The following FMC1 variants were observed in gnomAD, a reference collection of about 807,000 sequenced individuals.
FMC1 encodes the protein formation of mitochondrial complex V assembly factor 1, also known as protein FMC1 homolog.
Under a neutral mutation model 10.5 loss-of-function variants are expected in FMC1, and 6 were observed. The ratio of observed to expected loss-of-function variants is 0.57; its 90% CI spans 0.31 to 1.12. FMC1 has a LOEUF of 1.12. Among genes scored for constraint, FMC1 ranks in the 50% most tolerant of loss-of-function variants. The probability of loss-of-function intolerance (pLI) is 0.05; values close to 1 mark genes in which losing one functional copy is unlikely to be tolerated. For synonymous variants in FMC1, 59 were observed against 62.1 expected, an observed-to-expected ratio of 0.95 and a Z score of 0.24; for missense variants, 146 against 151.7, an observed-to-expected ratio of 0.96 and a Z score of 0.20.
Position 139,343,925 on chromosome 7 carries a change from C to CAAA in FMC1, c.139-1576_139-1575insAAA, listed in dbSNP as rs370854113. Among the ~76,000 whole-genome samples the CAAA allele has an allele frequency of 4.8e-3, 607 of 126,300 alleles. 9 individuals are homozygous for CAAA. The highest frequency in any genetic ancestry group is 0.017 in the Middle Eastern group (4 of 234). The allele number at this position is 126,300 out of a possible 152,430, so 82.9% of individuals were successfully genotyped here. On this transcript the variant is annotated intron_variant, in intron 1 of 1. Coordinates refer to ENST00000297534, the MANE Select transcript of FMC1 (RefSeq NM_197964.5). ...TGGGCAACAAAGTGAGACCCTGTCC[C>CAAA]CAAAAAAAAAAAAAAAAAAAAGAGT... is the stretch of plus-strand genomic sequence containing the variant.
In FMC1 at chr7:139,345,716, A is replaced by G; in HGVS notation, c.*12A>G. The G allele has an allele frequency of 6.2e-7, 1 of 1,612,206 alleles. No homozygotes were observed. Among genetic ancestry groups the G allele is most frequent in the Non-Finnish European group, 8.5e-7 (1 of 1,178,930 alleles). On this transcript the variant is annotated 3_prime_UTR_variant, in exon 2 of 2. Transcript: ENST00000297534. ...GCTGGGAGCCATGAACATGGAGAAT[A>G]TCCTTGGATGCTGCATTCATAGGAG...
upstream of FMC1, chr7:139,340,745 A>G (rs1585051414): frequency 8.0e-6 from 3 of 373,584 alleles, no homozygotes; most frequent in Admixed American, 1.4e-4. Flanking sequence ...TAAGCCAGGG[A>G]TTGTGGGTTC....
At chr7:139,340,652 A>G (rs1317179329), upstream of FMC1, 1 of 396,284 alleles carries the variant, frequency 2.5e-6, no homozygotes, top group Admixed American at 4.4e-5. Context: ...ATGACGTACC[A>G]AAGAGGAAAA....
At chr7:139,345,306 C>T (rs373994785) in intron 1 of FMC1, among the ~76,000 whole-genome samples, 195 bp from the exon 2 acceptor site, 17 of 152,070 alleles carry the variant, frequency 1.1e-4, no homozygotes, top group African/African-American at 3.1e-4. Context: ...TTTAAAAATC[C>T]GAACTAGAGG....
chr7:139,341,864 A>G (rs908426083), intron 1 of FMC1, among the ~76,000 whole-genome samples: 1 of 152,208 alleles, frequency 6.6e-6, no homozygotes, highest in Non-Finnish European at 1.5e-5. Flanking sequence ...GGATAAAACA[A>G]TGAAGATGGA....
upstream of FMC1, among the ~76,000 whole-genome samples, chr7:139,340,809 A>AT (rs532530723): frequency 2.8e-4 from 42 of 151,460 alleles, no homozygotes; most frequent in African/African-American, 8.2e-4. Context: ...CTTTCTAAAC[A>AT]AAGCGAAATA....
upstream of FMC1, chr7:139,341,329 G>A (rs928270619): frequency 2.6e-6 from 4 of 1,567,922 alleles, no homozygotes; most frequent in Non-Finnish European, 3.5e-6. Context: ...GCCGGAGGAG[G>A]GGTTTTCAGG....
chr7:139,343,481 T>G (rs1799100625), intron 1 of FMC1, among the ~76,000 whole-genome samples: 1 of 151,942 alleles, frequency 6.6e-6, no homozygotes, highest in South Asian at 2.1e-4. Context: ...GAAGCTGAGG[T>G]GAGAGGATCA....
At chr7:139,341,332 T>C, upstream of FMC1, 3 of 1,546,588 alleles carry the variant, frequency 1.9e-6, no homozygotes, top group Admixed American at 1.8e-5. Context: ...GGAGGAGGGG[T>C]TTTCAGGGTC....
rs1799258644 is a variant in FMC1, at chr7:139,346,064, C to T, written c.*360C>T. The T allele has an allele frequency of 6.2e-6, 1 of 160,208 alleles. No individual in the cohort carries two copies. The highest frequency in any genetic ancestry group is 1.4e-5 in the Non-Finnish European group (1 of 73,442). The allele number at this position is 160,208 out of a possible 1,614,324, so 9.9% of individuals were successfully genotyped here. A position where few individuals can be genotyped will look rare whatever the true frequency, so the allele number is the denominator to read the frequency against. ...ACCAGCCTGACCAACATGGAAAAACCCCGTCTCTACTAAAAATACAAAATT... is the reference window on the plus strand; with the variant it reads ...ACCAGCCTGACCAACATGGAAAAACTCCGTCTCTACTAAAAATACAAAATT... On this transcript the variant is annotated 3_prime_UTR_variant, in exon 2 of 2. Coordinates refer to ENST00000297534, the MANE Select transcript of FMC1 (RefSeq NM_197964.5).
rs527287240 is a variant in FMC1, at chr7:139,345,918, A to T, written c.*214A>T. 5.0e-4 allele frequency: 218 copies of T among 440,146 alleles called. 1 individual carries two copies. Among genetic ancestry groups the T allele is most frequent in the South Asian group, 2.3e-3 (58 of 25,436 alleles). The allele number at this position is 440,146 out of a possible 1,614,324, so 27.3% of individuals were successfully genotyped here. On this transcript the variant is annotated 3_prime_UTR_variant, in exon 2 of 2. Transcript: ENST00000297534. ...TGATGTTGTTTTTCTACTTAAAAAA[A>T]TTTTTTTATATTTTATTTTAAAAGT...
Position 139,345,805 on chromosome 7 carries a change from CTG to C in FMC1, c.*103_*104del, listed in dbSNP as rs1799245579. ...TTTTTTTTAAGTTTAAGGTTTTTCT[CTG>C]TAATTTTGTTTACTAGTTCTTAGGG... On this transcript the variant is annotated 3_prime_UTR_variant, in exon 2 of 2. Transcript: ENST00000297534. 7.6e-7 allele frequency: 1 copy of C among 1,314,742 alleles called. No homozygotes were observed. Among genetic ancestry groups the C allele is most frequent in the Middle Eastern group, 2.7e-4 (1 of 3,650 alleles). The allele number at this position is 1,314,742 out of a possible 1,614,324, so 81.4% of individuals were successfully genotyped here. A position where few individuals can be genotyped will look rare whatever the true frequency, so the allele number is the denominator to read the frequency against.
At position 139,345,537 on chromosome 7, in the gene FMC1, C is replaced by T; in HGVS notation, c.175C>T (p.Leu59Phe). ...AAAGTTGTGCAGAGCCCAACATGAG[C>T]TTCATTTCCAAGCTGCCACCTATCT... is the stretch of plus-strand genomic sequence containing the variant. ...SEKLCRAQHE[L>F]HFQAATYLCL... is the part of the protein sequence containing the mutation. The change falls in exon 2 of 2, where the codon CTT becomes TTT. Residue 59 changes from leucine (L) to phenylalanine (F), a missense_variant. By Grantham distance (22) the Leu-to-Phe change is conservative (BLOSUM62 0). Transcript: ENST00000297534. 6.2e-7 allele frequency: 1 copy of T among 1,614,188 alleles called. No homozygotes were observed. Among genetic ancestry groups the T allele is most frequent in the Middle Eastern group, 1.6e-4 (1 of 6,062 alleles).
chr7:139,340,683 G>A (rs1798893679), upstream of FMC1: 1 of 394,394 alleles, frequency 2.5e-6, no homozygotes. Context: ...TGTTGTGTGA[G>A]CGCGTCGTTT....
At chr7:139,341,004 T>A (rs1798921062), upstream of FMC1, 1 of 189,250 alleles carries the variant, frequency 5.3e-6, no homozygotes, top group Admixed American at 5.9e-5. Flanking sequence ...TTTAAAAATG[T>A]CTTCTCAGCG....
rs772505773 is a variant in FMC1 at position 139,345,533 on chromosome 7, T to G, written c.171T>G (p.His57Gln). Reference sequence around the variant, plus strand: ...GTGAAAAGTTGTGCAGAGCCCAACATGAGCTTCATTTCCAAGCTGCCACCT... The same window carrying G: ...GTGAAAAGTTGTGCAGAGCCCAACAGGAGCTTCATTTCCAAGCTGCCACCT... ...VTSEKLCRAQ[H>Q]ELHFQAATYL... Residue 57 changes from histidine (H) to glutamine (Q), a missense_variant, in exon 2 of 2, where the codon CAT becomes CAG. Coordinates refer to ENST00000297534, the MANE Select transcript of FMC1 (RefSeq NM_197964.5). 1 of 1,614,164 alleles carries G rather than the reference T, an allele frequency of 6.2e-7. No homozygotes were observed. Among genetic ancestry groups the G allele is most frequent in the East Asian group, 2.2e-5 (1 of 44,872 alleles).
chr7:139,340,785 T>C (rs1585051552), upstream of FMC1, among the ~76,000 whole-genome samples: 1 of 151,150 alleles, frequency 6.6e-6, no homozygotes, highest in Non-Finnish European at 1.5e-5. Context: ...CTGTGACTTT[T>C]GTCCTTTTTT....
chr7:139,340,692 T>G (rs372616311), upstream of FMC1: 1 of 392,666 alleles, frequency 2.5e-6, no homozygotes, highest in Non-Finnish European at 4.5e-6. Flanking sequence ...AGCGCGTCGT[T>G]TGCAGAAGCC....
Position 139,345,520 on chromosome 7 carries a change from GCA to G in FMC1, c.159_160del (p.Cys53TrpfsTer5). 1 of 1,614,150 alleles carries G rather than the reference GCA, an allele frequency of 6.2e-7. No individual in the cohort carries two copies. The highest frequency in any genetic ancestry group is 2.2e-5 in the East Asian group (1 of 44,870). ...CTCTAGGTCACCAGTGAAAAGTTGT[GCA>G]GAGCCCAACATGAGCTTCATTTCCA... On this transcript the variant is annotated frameshift_variant, in exon 2 of 2. Coordinates refer to ENST00000297534, the MANE Select transcript of FMC1 (RefSeq NM_197964.5). LOFTEE classifies it high-confidence loss of function.
Sources: allele counts gnomAD v4.1 joint callset (sites outside exome capture counted in the v4.1 genomes callset), GRCh38; gene constraint gnomAD v4.1.1; transcripts MANE v1.5; gene names NCBI Gene and HGNC (gene_info 2026-07-23, HGNC 2026-07-21).